Variants in KDR observed in about 807,000 individuals in gnomAD.
KDR encodes kinase insert domain receptor.
Under a neutral mutation model 160.9 loss-of-function variants are expected in KDR, and 43 were observed. The observed-to-expected ratio is 0.27, with a 90% CI of 0.21 to 0.34. KDR has a LOEUF of 0.34. KDR is among the 10% of genes least tolerant of loss of function. The pLI, the probability that KDR is intolerant of heterozygous loss-of-function variation, is 1.00. For missense variants in KDR, 1,469 were observed against 1,666.4 expected (o/e 0.88, Z 2.06); for synonymous variants, 617 against 600.1 (o/e 1.03, Z -0.41).
chr4:55,113,691 C>T (rs1720655434), intron 6 of KDR, among the ~76,000 whole-genome samples: 1 of 152,144 alleles, frequency 6.6e-6, no homozygotes, highest in Non-Finnish European at 1.5e-5. Context: ...TTTTTAAAAC[C>T]TCACGTGGTG....
intron 14 of KDR, 128 bp downstream of exon 14, chr4:55,102,234 G>A (rs1177059134): frequency 1.5e-6 from 2 of 1,314,756 alleles, no homozygotes; most frequent in Non-Finnish European, 2.2e-6. Flanking sequence ...CTAAGTCTGT[G>A]AAATGAGCCA....
intron 5 of KDR, 37 bp from the exon 6 acceptor site, chr4:55,114,302 A>G (rs750051605): frequency 1.9e-6 from 3 of 1,602,396 alleles, no homozygotes; most frequent in Non-Finnish European, 2.6e-6. Context: ...AACATGAGAG[A>G]GCAAATAAGC....
intron 27 of KDR, among the ~76,000 whole-genome samples, chr4:55,086,771 G>T (rs1304112731): frequency 6.6e-6 from 1 of 152,196 alleles, no homozygotes; most frequent in African/African-American, 2.4e-5. Flanking sequence ...ACCTGGCCAA[G>T]TTCTGGACAT....
rs1720482945 is a variant in KDR at position 55,107,862 on chromosome 4, G to T, written c.1287C>A (p.Ile429=). The T allele has an allele frequency of 1.2e-6, 2 of 1,613,814 alleles. No individual in the cohort carries two copies. The highest frequency in any genetic ancestry group is 2.7e-5 in the African/African-American group (2 of 74,892). ...VPPQIGEKSL[I]SPVDSYQYGT... ...CGTACTGGTAGGAATCCACAGGAGA[G>T]ATTAGAGATTTCTCACCAATCTGGG... The change falls in exon 10 of 30, where the codon ATC becomes ATA. Residue 429 remains isoleucine, a synonymous_variant. Coordinates refer to ENST00000263923, the MANE Select transcript of KDR (RefSeq NM_002253.4).
intron 1 of KDR, among the ~76,000 whole-genome samples, chr4:55,121,785 G>C (rs1041728233): frequency 6.6e-6 from 1 of 152,150 alleles, no homozygotes; most frequent in Non-Finnish European, 1.5e-5. Context: ...CTGAGGAAGA[G>C]AAAACATTCC....
intron 26 of KDR, among the ~76,000 whole-genome samples, chr4:55,088,113 T>C (rs2110009596): frequency 6.6e-6 from 1 of 152,214 alleles, no homozygotes; most frequent in East Asian, 1.9e-4. Flanking sequence ...GCCAAGCCCT[T>C]CAAAGGGCAT....
In KDR at chr4:55,098,607, A is replaced by T. The variant is rs1273634628; in HGVS notation, c.2373+90T>A. The T allele has an allele frequency of 4.0e-6, 4 of 988,632 alleles. No homozygotes were observed. In the African/African-American group the frequency reaches 4.8e-5, roughly 12 times the overall value. 61.2% of individuals were successfully genotyped at this position (988,632 alleles called of 1,614,324 possible). On this transcript the variant is annotated intron_variant, in intron 16 of 29. Transcript: ENST00000263923. ...AAAATGTGCCCATTGAGCCAATAAC[A>T]ATGGGAAGAAACAACTCAAAGAACC...
intron 13 of KDR, 33 bp downstream of exon 13, chr4:55,104,610 C>T (rs372798549): frequency 1.9e-6 from 3 of 1,558,270 alleles, no homozygotes; most frequent in African/African-American, 2.7e-5. Flanking sequence ...ATTCCAACTG[C>T]CTCTGCACAA....
In KDR at chr4:55,090,318, T is replaced by C. The variant is rs555014163; in HGVS notation, c.3070-240A>G. 2.6e-5 allele frequency among the ~76,000 whole-genome samples: 4 copies of C among 152,318 alleles called. No individual in the cohort carries two copies. In the East Asian group the frequency reaches 7.7e-4, roughly 29 times the overall value. ...GTTAAATAATTAAGTTATAATATGA[T>C]GATGGAATCATAAATAGGCTCCTCT... On this transcript the variant is annotated intron_variant, in intron 22 of 29. Coordinates refer to ENST00000263923, the MANE Select transcript of KDR (RefSeq NM_002253.4).
rs1720894747 is a variant in KDR at position 55,122,073 on chromosome 4, A to G, written c.68-883T>C. Among the ~76,000 whole-genome samples the G allele has an allele frequency of 5.9e-5, 9 of 152,198 alleles. No homozygotes were observed. In the South Asian group the frequency reaches 1.4e-3, roughly 24 times the overall value. ...TTAAGTGCAATGCTAATGAATTACA[A>G]TTGGGAGATCTGAACTTATTCATCA... On this transcript the variant is annotated intron_variant, in intron 1 of 29. Transcript: ENST00000263923.
Position 55,078,742 on chromosome 4 carries a change from CA to C in KDR, c.*1198del, listed in dbSNP as rs1272389985. The C allele has an allele frequency of 4.3e-6, 1 of 232,402 alleles. No homozygotes were observed. The highest frequency in any genetic ancestry group is 2.2e-5 in the African/African-American group (1 of 45,236). 14.4% of individuals were successfully genotyped at this position (232,402 alleles called of 1,614,324 possible). A position where few individuals can be genotyped will look rare whatever the true frequency, so the allele number is the denominator to read the frequency against. ...TTCTTTTTTGAAAAAAAGGACAGAA[CA>C]AGGGCAAAAATCAGTAGAAATAGCT... is the stretch of plus-strand genomic sequence containing the variant. On this transcript the variant is annotated 3_prime_UTR_variant, in exon 30 of 30. Transcript: ENST00000263923.
chr4:55,089,157 G>A (rs1309478682), intron 25 of KDR, among the ~76,000 whole-genome samples, 184 bp from the exon 26 acceptor site: 2 of 152,144 alleles, frequency 1.3e-5, no homozygotes, highest in Admixed American at 6.5e-5. Flanking sequence ...AACATTTAAA[G>A]CAACATCTAA....
At chr4:55,111,690 G>A (rs1258768031) in intron 7 of KDR, among the ~76,000 whole-genome samples, 1 of 152,140 alleles carries the variant, frequency 6.6e-6, no homozygotes, top group Admixed American at 6.6e-5. Context: ...TGTGTATTTT[G>A]ACAAGTGCAT....
intron 29 of KDR, 37 bp downstream of exon 29, chr4:55,081,919 T>G (rs371083519): frequency 1.4e-6 from 2 of 1,417,732 alleles, no homozygotes; most frequent in Non-Finnish European, 2.0e-6. Flanking sequence ...CAAAAATTCC[T>G]ATTGAAATTT....
rs1207283959 is a variant in KDR at position 55,115,033 on chromosome 4, C to T, written c.499G>A (p.Glu167Lys). Reference protein sequence around the residue: ...LNVSLCARYPEKRFVPDGNRI... With the variant: ...LNVSLCARYPKKRFVPDGNRI... The stretch of plus-strand genomic sequence containing the variant: ...TTACCATCAGGAACAAATCTCTTTT[C>T]TGGGTATCTCTGGGTAATAAAAAGA... Residue 167 changes from glutamate to lysine, a missense_variant, in exon 5 of 30, where the codon GAA becomes AAA. Around this residue, in one of 7 missense-constraint regions of KDR, gnomAD observed 792 missense variants for 840.9 expected, o/e 0.94. Transcript: ENST00000263923. The T allele has an allele frequency of 6.2e-7, 1 of 1,612,384 alleles. No homozygotes were observed. The highest frequency in any genetic ancestry group is 1.7e-5 in the Admixed American group (1 of 59,954).
chr4:55,089,140 T>C (rs1307446208), intron 25 of KDR, among the ~76,000 whole-genome samples, 167 bp from the exon 26 acceptor site: 1 of 152,218 alleles, frequency 6.6e-6, no homozygotes, highest in Non-Finnish European at 1.5e-5. Flanking sequence ...GCTCAATGTG[T>C]ATAGAAAACA....
intron 15 of KDR, among the ~76,000 whole-genome samples, chr4:55,100,084 A>G (rs1230716106): frequency 6.6e-6 from 1 of 152,226 alleles, no homozygotes; most frequent in East Asian, 1.9e-4. Flanking sequence ...GGAAGCAGTC[A>G]TCACTTGGGG....
chr4:55,109,023 C>A (rs930161266), intron 9 of KDR, among the ~76,000 whole-genome samples: 3 of 152,028 alleles, frequency 2.0e-5, no homozygotes, highest in Non-Finnish European at 4.4e-5. Context: ...TATACACTTT[C>A]CAGTTTCTCC....
rs369501886 is a variant in KDR, at chr4:55,098,198, A to C, written c.2448T>G (p.His816Gln). 1 of 1,613,924 alleles carries C rather than the reference A, an allele frequency of 6.2e-7. No homozygotes were observed. Among genetic ancestry groups the C allele is most frequent in the South Asian group, 1.1e-5 (1 of 91,072 alleles). The change falls in exon 17 of 30, where the codon CAT (histidine) becomes CAG (glutamine). Residue 816 changes from histidine (H) to glutamine (Q), a missense_variant. His to Gln is a conservative substitution (Grantham distance 24, BLOSUM62 0). Transcript: ENST00000263923. ...TGGCATCATAAGGCAGTCGTTCACA[A>C]TGTTCATCCAATGGGAGTTCATCTG... ...MDPDELPLDE[H>Q]CERLPYDASK...
Sources: gnomAD v4.1 joint callset for allele counts (sites outside exome capture counted in the v4.1 genomes callset) on GRCh38, gnomAD v4.1.1 for gene constraint, gnomAD v4.1.1 regional missense constraint, MANE v1.5 for transcripts, NCBI Gene and HGNC (gene_info 2026-07-23, HGNC 2026-07-21) for gene names.